MARK1: variants seen among roughly 807,000 people sequenced by gnomAD.
MARK1 encodes the protein serine/threonine-protein kinase MARK1.
Under a neutral mutation model 96.3 loss-of-function variants are expected in MARK1, and 40 were observed. That is an observed-to-expected ratio of 0.42 (90% CI 0.32 to 0.54). The LOEUF is 0.54. MARK1 is among the 20% of genes least tolerant of loss of function. The probability of loss-of-function intolerance (pLI) is 0.16; values close to 1 mark genes in which losing one functional copy is unlikely to be tolerated. For synonymous variants in MARK1, 317 were observed against 341.2 expected, an observed-to-expected ratio of 0.93 and a Z score of 0.78; for missense variants, 719 against 984.6, an observed-to-expected ratio of 0.73 and a Z score of 3.61.
intron 9 of MARK1, chr1:220,626,359 A>G (rs1667333739): frequency 3.6e-6 from 2 of 549,926 alleles, no homozygotes; most frequent in Non-Finnish European, 3.7e-6. Flanking sequence ...TTCAGGAACT[A>G]GGGATCTACA....
intron 1 of MARK1, among the ~76,000 whole-genome samples, chr1:220,545,971 G>A (rs1449854219): frequency 2.0e-5 from 3 of 152,056 alleles, no homozygotes; most frequent in Non-Finnish European, 4.4e-5. Flanking sequence ...TCAGTTTGGT[G>A]AGATATCACC....
At chr1:220,628,616 G>A (rs956723732) in intron 9 of MARK1, among the ~76,000 whole-genome samples, 4 of 152,002 alleles carry the variant, frequency 2.6e-5, no homozygotes, top group African/African-American at 9.7e-5. Flanking sequence ...AAATACTAGT[G>A]TTCCTTGAGG....
At position 220,599,883 on chromosome 1, in the gene MARK1, A is replaced by G; in HGVS notation, c.424+20A>G. ...GTGGGGGTAAGAATGAGGGTGATTG[A>G]AAAGTTCTCTTTGCTGAGACATACA... is the stretch of plus-strand genomic sequence containing the variant. On this transcript the variant is annotated intron_variant, in intron 5 of 17. Coordinates refer to ENST00000366917, the MANE Select transcript of MARK1 (RefSeq NM_018650.5). 6.4e-7 allele frequency: 1 copy of G among 1,562,342 alleles called. No individual in the cohort carries two copies. The highest frequency in any genetic ancestry group is 1.1e-5 in the South Asian group (1 of 87,150).
intron 1 of MARK1, among the ~76,000 whole-genome samples, chr1:220,546,142 T>C (rs1326674587): frequency 2.0e-5 from 3 of 152,204 alleles, no homozygotes; most frequent in Non-Finnish European, 4.4e-5. Flanking sequence ...TGCCTGTAAA[T>C]CCCTAGCCAT....
At chr1:220,557,543 A>G (rs1270261287) in intron 1 of MARK1, among the ~76,000 whole-genome samples, 1 of 152,126 alleles carries the variant, frequency 6.6e-6, no homozygotes, top group Non-Finnish European at 1.5e-5. Context: ...TGGGTGACAG[A>G]GAGAGACTCT....
chr1:220,644,279 CA>C, intron 13 of MARK1, among the ~76,000 whole-genome samples: 1 of 152,006 alleles, frequency 6.6e-6, no homozygotes, highest in East Asian at 1.9e-4. Context: ...TAGTTTCTGA[CA>C]AAATAGACTT....
chr1:220,617,516 A>G (rs1219861311), intron 7 of MARK1, among the ~76,000 whole-genome samples: 1 of 152,174 alleles, frequency 6.6e-6, no homozygotes, highest in Non-Finnish European at 1.5e-5. Context: ...CATCCATTGT[A>G]ATAGAGTTTA....
chr1:220,610,628 G>C (rs1416123823), intron 6 of MARK1, among the ~76,000 whole-genome samples: 1 of 152,096 alleles, frequency 6.6e-6, no homozygotes, highest in Non-Finnish European at 1.5e-5. Flanking sequence ...GAGGAGAAGA[G>C]GTGTTCTGAT....
intron 11 of MARK1, among the ~76,000 whole-genome samples, chr1:220,634,988 T>A (rs1433663352): frequency 2.0e-5 from 3 of 152,208 alleles, no homozygotes; most frequent in Non-Finnish European, 4.4e-5. Flanking sequence ...AACCTCAGTT[T>A]TTCCATCTAT....
intron 13 of MARK1, among the ~76,000 whole-genome samples, chr1:220,649,764 A>G (rs1668771976): frequency 6.6e-6 from 1 of 152,202 alleles, no homozygotes; most frequent in Non-Finnish European, 1.5e-5. Flanking sequence ...TCATGATTCA[A>G]CAATGTTTAG....
chr1:220,618,570 T>G lies in MARK1; in HGVS notation c.789+24T>G, dbSNP rs745985088. The G allele has an allele frequency of 3.7e-6, 6 of 1,612,986 alleles. No homozygotes were observed. The highest frequency in any genetic ancestry group is 3.3e-5 in the South Asian group (3 of 90,876). ...AGGTATCAGCTAAATTCTTTATTAA[T>G]GTTTTATCCCCAAGTATGATTATGT... On this transcript the variant is annotated intron_variant, in intron 8 of 17. Transcript: ENST00000366917. The surrounding 1 kb of genome is among the most constrained non-coding windows in gnomAD (Gnocchi z 4.6).
At chr1:220,536,006 A>G (rs1352291635) in intron 1 of MARK1, among the ~76,000 whole-genome samples, 1 of 148,862 alleles carries the variant, frequency 6.7e-6, no homozygotes, top group East Asian at 2.1e-4. Context: ...TTGTGGTTCC[A>G]TATGAATTTT....
rs556020696 is a variant in MARK1, at chr1:220,563,457, T to C, written c.52-15897T>C. Among the ~76,000 whole-genome samples the C allele has an allele frequency of 1.1e-4, 17 of 152,310 alleles. No individual in the cohort carries two copies. The East Asian group carries it at 3.1e-3, about 28-fold the overall frequency. On this transcript the variant is annotated intron_variant, in intron 1 of 17. Coordinates refer to ENST00000366917, the MANE Select transcript of MARK1 (RefSeq NM_018650.5). ...GGACTGTTCCTAGGAATCAGGACTA[T>C]AGAAGTAAATAAGACAGACAAGATT...
At chr1:220,561,997 G>A (rs1036143275) in intron 1 of MARK1, among the ~76,000 whole-genome samples, 2 of 152,048 alleles carry the variant, frequency 1.3e-5, no homozygotes, top group African/African-American at 4.8e-5. Flanking sequence ...GAGAACATTT[G>A]GCAATCTTAC....
chr1:220,528,904 TGGGGG>T, intron 1 of MARK1, 31 bp downstream of exon 1: 3 of 1,543,784 alleles, frequency 1.9e-6, no homozygotes, highest in Non-Finnish European at 2.6e-6. Context: ...TCGGGAGCAG[TGGGGG>T]CGAGACCCTC....
chr1:220,609,872 T>C (rs1558295948), intron 6 of MARK1, among the ~76,000 whole-genome samples: 2 of 152,214 alleles, frequency 1.3e-5, no homozygotes, highest in African/African-American at 4.8e-5. Context: ...ATGTTGAATA[T>C]TGGCCCCCAC....
intron 13 of MARK1, among the ~76,000 whole-genome samples, chr1:220,645,810 A>G (rs558817052): frequency 9.2e-5 from 14 of 152,324 alleles, no homozygotes; most frequent in African/African-American, 3.4e-4. Context: ...AAACCACATA[A>G]TTATCTCAAT....
chr1:220,587,325 TTCTTTCTCTCTCTCTCTCTCTCTCTCTG>T (rs1664700840), intron 3 of MARK1, among the ~76,000 whole-genome samples: 3 of 76,400 alleles, frequency 3.9e-5, no homozygotes, highest in African/African-American at 1.3e-4. Flanking sequence ...CTCTCTCTCT[TTCTTTCTCTCTCTCTCTCTCTCTCTCTG>T]TCTCTCTCTC....
Position 220,662,355 on chromosome 1 carries a change from T to TG in MARK1, c.*189_*190insG. 1 of 556,518 alleles carries TG rather than the reference T, an allele frequency of 1.8e-6. No homozygotes were observed. The highest frequency in any genetic ancestry group is 3.2e-6 in the Non-Finnish European group (1 of 313,966). 34.5% of individuals were successfully genotyped at this position (556,518 alleles called of 1,614,324 possible). A position where few individuals can be genotyped will look rare whatever the true frequency, so the allele number is the denominator to read the frequency against. On this transcript the variant is annotated 3_prime_UTR_variant, in exon 18 of 18. Coordinates refer to ENST00000366917, the MANE Select transcript of MARK1 (RefSeq NM_018650.5). Reference sequence around the variant, plus strand: ...CAGTATGAACTATAATAAATATCTGTAGCTTAAAAAGTAGGTTCACATGTA... The same window carrying TG: ...CAGTATGAACTATAATAAATATCTGTGAGCTTAAAAAGTAGGTTCACATGTA...
Sources: allele counts gnomAD v4.1 joint callset (sites outside exome capture counted in the v4.1 genomes callset), GRCh38; gene constraint gnomAD v4.1.1; non-coding constraint Gnocchi (gnomAD v3.1); transcripts MANE v1.5; gene names NCBI Gene and HGNC (gene_info 2026-07-23, HGNC 2026-07-21).